Variants in MYLK observed in about 807,000 individuals in gnomAD.
MYLK encodes myosin light chain kinase, smooth muscle.
MYLK carries 106 observed loss-of-function variants against 203.4 expected under a neutral mutation model. The observed-to-expected ratio is 0.52, with a 90% CI of 0.45 to 0.61. The LOEUF (loss-of-function observed/expected upper bound fraction) is 0.61. MYLK is among the 20% of genes least tolerant of loss of function. The probability of loss-of-function intolerance (pLI) is 0.00; values close to 1 mark genes in which losing one functional copy is unlikely to be tolerated. For synonymous variants in MYLK, 867 were observed against 959.5 expected (o/e 0.90, Z 1.78); for missense variants, 2,072 against 2,442.3 (o/e 0.85, Z 3.20).
At chr3:123,707,538 GGAACT>G (rs2061508719) in intron 16 of MYLK, among the ~76,000 whole-genome samples, 2 of 152,294 alleles carry the variant, frequency 1.3e-5, no homozygotes, top group South Asian at 4.1e-4. Flanking sequence ...AGGATTCTGG[GGAACT>G]GAGCTCAAAA....
Position 123,737,384 on chromosome 3 carries a change from T to C in MYLK, c.748A>G (p.Ile250Val), listed in dbSNP as rs750362610. The change falls in exon 8 of 34, where the codon ATC (isoleucine) becomes GTC (valine). Residue 250 changes from isoleucine to valine, a missense_variant. By Grantham distance (29) the Ile-to-Val change is conservative. Transcript: ENST00000360304. ...GCCGTCCACTGGTCGATACCTTGGA[T>C]GGAAAGTTCAGCTGACATCGAGGCC... is the stretch of plus-strand genomic sequence containing the variant. ...GKASMSAELS[I>V]QGLDSANRSF... is the part of the protein sequence containing the mutation. 5.0e-6 allele frequency: 8 copies of C among 1,614,036 alleles called. No homozygotes were observed. Among genetic ancestry groups the C allele is most frequent in the East Asian group, 2.2e-5 (1 of 44,890 alleles).
At chr3:123,735,512 C>T (rs1355368738) in intron 8 of MYLK, 96 bp from the exon 9 acceptor site, 1 of 1,382,100 alleles carries the variant, frequency 7.2e-7, no homozygotes, top group Non-Finnish European at 1.0e-6. Context: ...GTGGTCCCAC[C>T]CTGCTGGCTC....
chr3:123,648,938 G>T lies in MYLK; in HGVS notation c.4415+33C>A. On this transcript the variant is annotated intron_variant, in intron 26 of 33. Coordinates refer to ENST00000360304, the MANE Select transcript of MYLK (RefSeq NM_053025.4). The surrounding 1 kb of genome is among the most constrained non-coding windows in gnomAD (Gnocchi z 4.5). ...GTGAGACCCGCACCACCCTCACCCT[G>T]GGAGCCCAGAGGCAACTTCCCACTC... is the stretch of plus-strand genomic sequence containing the variant. 4 of 1,589,358 alleles carry T rather than the reference G, an allele frequency of 2.5e-6. No individual in the cohort carries two copies. Among genetic ancestry groups the T allele is most frequent in the Non-Finnish European group, 1.7e-6 (2 of 1,157,892 alleles).
intron 11 of MYLK, among the ~76,000 whole-genome samples, chr3:123,731,239 G>T (rs2062464649): frequency 6.6e-6 from 1 of 152,196 alleles, no homozygotes; most frequent in Non-Finnish European, 1.5e-5. Flanking sequence ...AATTCACGAG[G>T]ATAGTAAAAA....
chr3:123,765,595 C>G (rs962154252), intron 4 of MYLK, among the ~76,000 whole-genome samples: 2 of 151,060 alleles, frequency 1.3e-5, no homozygotes, highest in East Asian at 3.9e-4. Context: ...ACATTCATGA[C>G]AGCATTATTC....
intron 2 of MYLK, among the ~76,000 whole-genome samples, chr3:123,843,232 G>A (rs893325633): frequency 6.6e-6 from 1 of 152,154 alleles, no homozygotes; most frequent in Non-Finnish European, 1.5e-5. Flanking sequence ...AAAAATACTG[G>A]AAACAATGAA....
Position 123,733,853 on chromosome 3 carries a change from G to T in MYLK, c.1143C>A (p.Thr381=), listed in dbSNP as rs775410725. 1.2e-6 allele frequency: 2 copies of T among 1,614,138 alleles called. No homozygotes were observed. Among genetic ancestry groups the T allele is most frequent in the Non-Finnish European group, 1.7e-6 (2 of 1,180,048 alleles). ...CCAGGCCAGGCTGCCTGGTGGGGAA[G>T]GTGGCTGGACGGGGAGGAGCTGGCC... ...RKRPAPPRPA[T]FPTRQPGLGS... is the part of the protein sequence containing the mutation. Residue 381 remains threonine (T), a synonymous_variant, in exon 10 of 34, where the codon ACC becomes ACA. Transcript: ENST00000360304.
intron 4 of MYLK, among the ~76,000 whole-genome samples, chr3:123,789,295 C>T (rs2064677190): frequency 6.6e-6 from 1 of 152,192 alleles, no homozygotes; most frequent in African/African-American, 2.4e-5. Context: ...TTTCATCTAC[C>T]TCACTGTCCT....
At chr3:123,682,613 CAG>C (rs756993383) in intron 19 of MYLK, among the ~76,000 whole-genome samples, 10 of 152,236 alleles carry the variant, frequency 6.6e-5, no homozygotes, top group South Asian at 4.1e-4. Flanking sequence ...CCATTGCTGG[CAG>C]AGTCACCCCT....
At chr3:123,820,688 CTCCT>C (rs1380306791) in intron 3 of MYLK, among the ~76,000 whole-genome samples, 130 of 118,430 alleles carry the variant, frequency 1.1e-3, no homozygotes, top group South Asian at 4.5e-3. Flanking sequence ...CCTTCCTTCC[CTCCT>C]TCCTTCCTTC....
chr3:123,841,567 T>TC (rs2066592552), intron 2 of MYLK, among the ~76,000 whole-genome samples: 1 of 152,154 alleles, frequency 6.6e-6, no homozygotes, highest in Admixed American at 6.5e-5. Flanking sequence ...TTCCTTTTTT[T>TC]CCGTCTTCAG....
chr3:123,645,496 C>T (rs1301356764), intron 27 of MYLK, among the ~76,000 whole-genome samples: 1 of 152,116 alleles, frequency 6.6e-6, no homozygotes, highest in Non-Finnish European at 1.5e-5. Flanking sequence ...CTAACAGAGC[C>T]CTCACCAAAG....
intron 4 of MYLK, among the ~76,000 whole-genome samples, chr3:123,782,418 T>C (rs142592652): frequency 3.9e-5 from 6 of 152,350 alleles, no homozygotes; most frequent in Non-Finnish European, 7.3e-5. Flanking sequence ...CTCCAGAGTC[T>C]GGAGCACAGA....
intron 16 of MYLK, among the ~76,000 whole-genome samples, chr3:123,706,977 T>C (rs2061483771): frequency 6.6e-6 from 1 of 152,218 alleles, no homozygotes; most frequent in African/African-American, 2.4e-5. Flanking sequence ...CTGTACTTAG[T>C]GACTCACTTC....
chr3:123,721,570 C>A (rs1036439637), intron 13 of MYLK, among the ~76,000 whole-genome samples: 4 of 151,932 alleles, frequency 2.6e-5, no homozygotes, highest in African/African-American at 7.3e-5. Context: ...CAAGCCTGGG[C>A]CCGTGAGTAG....
intron 4 of MYLK, among the ~76,000 whole-genome samples, chr3:123,791,678 T>C (rs2064789899): frequency 6.6e-6 from 1 of 152,240 alleles, no homozygotes; most frequent in Non-Finnish European, 1.5e-5. Flanking sequence ...AAGGAACACA[T>C]GCATTTTGAC....
intron 13 of MYLK, among the ~76,000 whole-genome samples, chr3:123,717,322 A>G (rs1356025616): frequency 6.6e-6 from 1 of 152,258 alleles, no homozygotes; most frequent in African/African-American, 2.4e-5. Flanking sequence ...GCAAACGCTG[A>G]CTTCACTGAT....
intron 33 of MYLK, 126 bp from the exon 34 acceptor site, chr3:123,614,475 C>T: frequency 9.6e-7 from 1 of 1,037,560 alleles, no homozygotes; most frequent in South Asian, 1.4e-5. Flanking sequence ...TTGATGTTGG[C>T]CTTTATCGAC....
intron 4 of MYLK, among the ~76,000 whole-genome samples, chr3:123,766,976 A>C (rs552426867): frequency 6.6e-6 from 1 of 152,316 alleles, no homozygotes; most frequent in East Asian, 1.9e-4. Flanking sequence ...CTGGTTCAAA[A>C]CACACATTTA....
Sources: allele counts gnomAD v4.1 joint callset (sites outside exome capture counted in the v4.1 genomes callset), GRCh38; gene constraint gnomAD v4.1.1; non-coding constraint Gnocchi (gnomAD v3.1); transcripts MANE v1.5; gene names NCBI Gene and HGNC (gene_info 2026-07-23, HGNC 2026-07-21).